The following RIT2 variants were observed in gnomAD, a reference collection of about 807,000 sequenced individuals.
The protein encoded by RIT2 is GTP-binding protein Rit2.
In RIT2, 24 loss-of-function variants were observed where a neutral mutation model predicts 23.7. That is an observed-to-expected ratio of 1.01 (90% confidence interval 0.73 to 1.43). RIT2 has a LOEUF of 1.43. RIT2 is among the 40% of genes most tolerant of loss of function. The probability of loss-of-function intolerance (pLI) is 0.00; values close to 1 mark genes in which losing one functional copy is unlikely to be tolerated. For missense variants in RIT2, 236 were observed against 266.9 expected, an observed-to-expected ratio of 0.88 and a Z score of 0.81; for synonymous variants, 107 against 91.1, an observed-to-expected ratio of 1.17 and a Z score of -0.99.
intron 4 of RIT2, among the ~76,000 whole-genome samples, chr18:42,766,095 T>A (rs537296587): frequency 6.6e-6 from 1 of 152,130 alleles, no homozygotes; most frequent in Non-Finnish European, 1.5e-5. Flanking sequence ...AACGAACTAA[T>A]ACAGTAAATT....
At chr18:42,790,155 C>A (rs965822051) in intron 4 of RIT2, among the ~76,000 whole-genome samples, 1 of 152,130 alleles carries the variant, frequency 6.6e-6, no homozygotes, top group African/African-American at 2.4e-5. Flanking sequence ...AGAATCTTTA[C>A]AAACTAATTT....
At chr18:42,756,726 T>C (rs983141650) in intron 4 of RIT2, among the ~76,000 whole-genome samples, 3 of 152,148 alleles carry the variant, frequency 2.0e-5, no homozygotes, top group African/African-American at 7.2e-5. Context: ...AATAAATATG[T>C]GTGTTTGATG....
At chr18:42,896,244 A>T (rs1455017060) in intron 4 of RIT2, among the ~76,000 whole-genome samples, 2 of 152,238 alleles carry the variant, frequency 1.3e-5, no homozygotes, top group Non-Finnish European at 2.9e-5. Context: ...AGCCTGGGCA[A>T]CAAGAGTGAA....
intron 4 of RIT2, among the ~76,000 whole-genome samples, chr18:42,774,456 G>A (rs1003611152): frequency 5.3e-5 from 8 of 151,990 alleles, no homozygotes; most frequent in Admixed American, 2.0e-4. Flanking sequence ...CTGTATCAGT[G>A]TATCTATGAA....
chr18:42,827,061 C>T (rs989738036), intron 4 of RIT2, among the ~76,000 whole-genome samples: 1 of 152,032 alleles, frequency 6.6e-6, no homozygotes, highest in African/African-American at 2.4e-5. Flanking sequence ...AACAAACAAG[C>T]AAACCAAAAA....
intron 4 of RIT2, among the ~76,000 whole-genome samples, chr18:42,857,144 G>C (rs1424461718): frequency 1.3e-5 from 2 of 151,946 alleles, no homozygotes. Context: ...TATCCAACTA[G>C]GGTTAGTTGT....
At chr18:42,804,533 C>T (rs558128850) in intron 4 of RIT2, among the ~76,000 whole-genome samples, 24 of 121,494 alleles carry the variant, frequency 2.0e-4, no homozygotes, top group Admixed American at 5.7e-4. Flanking sequence ...CCAGCCTGGG[C>T]GACAAGAGTG....
rs143261500 is a variant in RIT2, at chr18:42,988,537, T to C, written c.161-14390A>G. Among the ~76,000 whole-genome samples, 381 of 151,848 alleles carry C rather than the reference T, an allele frequency of 2.5e-3. 1 individual carries two copies. The highest frequency in any genetic ancestry group is 8.7e-3 in the African/African-American group (357 of 41,266). ...CTTTCCGTTCAAAACATCTTTCTCA[T>C]TGGCCTGGCATGATGCCCCAAGTTC... On this transcript the variant is annotated intron_variant, in intron 2 of 4. Coordinates refer to ENST00000326695, the MANE Select transcript of RIT2 (RefSeq NM_002930.4).
rs151229557 is a variant in RIT2 at position 42,807,605 on chromosome 18, G to T, written c.427-63885C>A. 6.0e-4 allele frequency among the ~76,000 whole-genome samples: 92 copies of T among 152,190 alleles called. 1 individual carries two copies. Among genetic ancestry groups the T allele is most frequent in the Admixed American group, 2.0e-3 (31 of 15,284 alleles). The stretch of plus-strand genomic sequence containing the variant: ...GCACTCCAGCCTGGGTGGCAAGAGC[G>T]AAACTCCGTCTCAAACAAAAACAAA... On this transcript the variant is annotated intron_variant, in intron 4 of 4. Transcript: ENST00000326695.
chr18:43,094,349 C>G lies in RIT2; in HGVS notation c.103+21068G>C, dbSNP rs138893894. On this transcript the variant is annotated intron_variant, in intron 1 of 4. Coordinates refer to ENST00000326695, the MANE Select transcript of RIT2 (RefSeq NM_002930.4). ...ATAGATTAGCTTCAAATCCACCTCT[C>G]TCTTGCTTTTAATCATCTCATAATG... Among the ~76,000 whole-genome samples the G allele has an allele frequency of 4.2e-3, 634 of 152,038 alleles. 5 individuals carry two copies. The highest frequency in any genetic ancestry group is 6.4e-3 in the Admixed American group (97 of 15,220).
chr18:42,940,068 C>G (rs1187721424), intron 3 of RIT2, among the ~76,000 whole-genome samples: 2 of 151,490 alleles, frequency 1.3e-5, no homozygotes, highest in East Asian at 3.9e-4. Flanking sequence ...AGCCGAATAA[C>G]AATAGTCCAG....
chr18:42,780,274 A>C (rs554645979), intron 4 of RIT2, among the ~76,000 whole-genome samples: 2 of 152,102 alleles, frequency 1.3e-5, no homozygotes, highest in African/African-American at 2.4e-5. Flanking sequence ...TTTCCAGCTC[A>C]TAGGAGGATT....
At chr18:42,774,777 A>G (rs534172460) in intron 4 of RIT2, among the ~76,000 whole-genome samples, 3 of 152,272 alleles carry the variant, frequency 2.0e-5, no homozygotes, top group African/African-American at 7.2e-5. Context: ...TTTTCCCAAA[A>G]GTAAAACATT....
intron 1 of RIT2, among the ~76,000 whole-genome samples, chr18:43,055,750 G>C (rs1427403993): frequency 6.6e-6 from 1 of 152,002 alleles, no homozygotes; most frequent in Non-Finnish European, 1.5e-5. Context: ...TGGAAGACTG[G>C]TTATGAGGTT....
intron 4 of RIT2, among the ~76,000 whole-genome samples, chr18:42,887,805 C>A (rs1444949817): frequency 6.7e-6 from 1 of 148,460 alleles, no homozygotes; most frequent in Non-Finnish European, 1.5e-5. Context: ...TACATTCATA[C>A]AATGGAATAG....
intron 2 of RIT2, among the ~76,000 whole-genome samples, chr18:42,987,472 C>T (rs1433859313): frequency 2.6e-5 from 4 of 152,148 alleles, no homozygotes; most frequent in East Asian, 3.9e-4. Flanking sequence ...CAAAAGTTAT[C>T]GTTACTACTC....
chr18:42,918,284 C>T (rs964835960), intron 4 of RIT2, among the ~76,000 whole-genome samples: 1 of 152,128 alleles, frequency 6.6e-6, no homozygotes, highest in Admixed American at 6.5e-5. Flanking sequence ...AGTTCTACAA[C>T]CATCCAGTTT....
At chr18:42,854,167 A>G (rs1040919553) in intron 4 of RIT2, among the ~76,000 whole-genome samples, 8 of 152,190 alleles carry the variant, frequency 5.3e-5, no homozygotes, top group Non-Finnish European at 1.0e-4. Context: ...GGTTCCCCAC[A>G]TTCTATAACT....
chr18:42,840,405 C>T (rs148130855), intron 4 of RIT2, among the ~76,000 whole-genome samples: 5 of 152,340 alleles, frequency 3.3e-5, no homozygotes, highest in African/African-American at 7.2e-5. Context: ...CAAGAACTTA[C>T]TATATGGCAA....
Sources: allele counts gnomAD v4.1 joint callset (sites outside exome capture counted in the v4.1 genomes callset), GRCh38; gene constraint gnomAD v4.1.1; transcripts MANE v1.5; gene names NCBI Gene and HGNC (gene_info 2026-07-23, HGNC 2026-07-21).